The following CRPPA variants were observed in gnomAD, a reference collection of about 807,000 sequenced individuals.
The protein encoded by CRPPA is CDP-L-ribitol pyrophosphorylase A, also known as D-ribitol-5-phosphate cytidylyltransferase.
CRPPA carries 43 observed loss-of-function variants against 52.0 expected under a neutral mutation model. The observed-to-expected ratio is 0.83, with a 90% CI of 0.65 to 1.07. The LOEUF is 1.07. Ranked by LOEUF, CRPPA falls within the 50% of genes least tolerant of loss-of-function variation. CRPPA has a pLI of 0.00. For missense variants in CRPPA, 629 were observed against 551.7 expected (o/e 1.14, Z -1.40); for synonymous variants, 250 against 203.5 (o/e 1.23, Z -1.94).
intron 3 of CRPPA, among the ~76,000 whole-genome samples, chr7:16,367,495 C>G (rs1433657147): frequency 6.6e-6 from 1 of 151,864 alleles, no homozygotes; most frequent in Admixed American, 6.6e-5. Flanking sequence ...GTATTTAAAA[C>G]CCAAACTTGT....
chr7:16,134,909 T>G (rs1326269380), intron 9 of CRPPA, among the ~76,000 whole-genome samples: 1 of 152,210 alleles, frequency 6.6e-6, no homozygotes, highest in Non-Finnish European at 1.5e-5. Flanking sequence ...CTATGTAATT[T>G]TTTTCTGAAA....
intron 9 of CRPPA, among the ~76,000 whole-genome samples, chr7:16,125,679 T>G (rs1418644090): frequency 6.6e-6 from 1 of 152,192 alleles, no homozygotes; most frequent in Admixed American, 6.5e-5. Context: ...AATCAATTAT[T>G]TTTTAATTGT....
chr7:16,307,673 CAAAAAAAAAAAAA>C (rs55682769), intron 4 of CRPPA, among the ~76,000 whole-genome samples: 3 of 44,366 alleles, frequency 6.8e-5, no homozygotes, highest in African/African-American at 8.9e-5. Flanking sequence ...GAAACTCTGT[CAAAAAAAAAAAAA>C]AAAAAAAAAA....
intron 8 of CRPPA, among the ~76,000 whole-genome samples, chr7:16,217,142 C>T (rs553363007): frequency 0.023 from 3,319 of 146,740 alleles, 93 homozygotes; most frequent in African/African-American, 0.075. Flanking sequence ...CCCTGACCCC[C>T]GAGCAGCCTA....
intron 6 of CRPPA, among the ~76,000 whole-genome samples, chr7:16,277,837 A>T (rs1784239577): frequency 6.6e-6 from 1 of 152,122 alleles, no homozygotes; most frequent in African/African-American, 2.4e-5. Context: ...GCTGGCCACT[A>T]TGCCTCTTAA....
Position 16,114,288 on chromosome 7 carries a change from G to GCA in CRPPA, c.1252-22491_1252-22490dup, listed in dbSNP as rs533316206. 2.4e-4 allele frequency among the ~76,000 whole-genome samples: 31 copies of GCA among 130,808 alleles called. No homozygotes were observed. In the South Asian group the frequency reaches 6.6e-3, roughly 28 times the overall value. 85.8% of individuals were successfully genotyped at this position (130,808 alleles called of 152,430 possible). Reference sequence around the variant, plus strand: ...TACTGAACGAGATCAAAGTAGACACGCACACATACACACACACACACACAC... The same window carrying GCA: ...TACTGAACGAGATCAAAGTAGACACGCACACACATACACACACACACACACAC... On this transcript the variant is annotated intron_variant, in intron 9 of 9. Coordinates refer to ENST00000407010, the MANE Select transcript of CRPPA (RefSeq NM_001101426.4).
chr7:16,297,232 T>C (rs762238750), intron 5 of CRPPA, among the ~76,000 whole-genome samples: 1 of 152,182 alleles, frequency 6.6e-6, no homozygotes, highest in Non-Finnish European at 1.5e-5. Flanking sequence ...AATGTATATA[T>C]CTTACAGCGT....
intron 3 of CRPPA, among the ~76,000 whole-genome samples, chr7:16,347,707 G>A (rs1161066044): frequency 2.0e-5 from 3 of 152,052 alleles, no homozygotes; most frequent in African/African-American, 2.4e-5. Context: ...CATCCACACT[G>A]GATGGGCAGA....
intron 5 of CRPPA, among the ~76,000 whole-genome samples, chr7:16,289,162 T>C (rs565901242): frequency 1.3e-4 from 20 of 151,874 alleles, no homozygotes; most frequent in South Asian, 2.1e-4. Context: ...GAGGAGGAAA[T>C]AGAAAAACTT....
intron 9 of CRPPA, among the ~76,000 whole-genome samples, chr7:16,117,680 G>A (rs1369892720): frequency 1.3e-5 from 2 of 152,114 alleles, no homozygotes; most frequent in African/African-American, 4.8e-5. Context: ...TCTAATCCAG[G>A]TTGTACAATC....
rs111290111 is a variant in CRPPA at position 16,369,582 on chromosome 7, G to A, written c.684+6510C>T. Among the ~76,000 whole-genome samples, 748 of 152,224 alleles carry A rather than the reference G, an allele frequency of 4.9e-3. 7 individuals carry two copies. Among genetic ancestry groups the A allele is most frequent in the Non-Finnish European group, 8.1e-3 (554 of 68,026 alleles). ...CTTCACCTGCCCTCACAGAACTGAG[G>A]TTTTAATAGGAAAGATACACACCAA... On this transcript the variant is annotated intron_variant, in intron 3 of 9. Coordinates refer to ENST00000407010, the MANE Select transcript of CRPPA (RefSeq NM_001101426.4).
intron 9 of CRPPA, among the ~76,000 whole-genome samples, chr7:16,184,086 C>T (rs904944153): frequency 5.9e-5 from 9 of 151,840 alleles, no homozygotes; most frequent in South Asian, 2.1e-4. Context: ...GGACTACAGG[C>T]GCACACCACC....
intron 9 of CRPPA, among the ~76,000 whole-genome samples, chr7:16,108,838 T>C (rs1258813268): frequency 1.3e-5 from 2 of 151,740 alleles, no homozygotes; most frequent in African/African-American, 4.8e-5. Flanking sequence ...GCATGAAAAT[T>C]AAACAACATG....
At chr7:16,334,004 T>C (rs567977108) in intron 3 of CRPPA, among the ~76,000 whole-genome samples, 1 of 152,192 alleles carries the variant, frequency 6.6e-6, no homozygotes, top group African/African-American at 2.4e-5. Flanking sequence ...CTCACTCCTG[T>C]CTTGTCTAGA....
intron 8 of CRPPA, among the ~76,000 whole-genome samples, chr7:16,227,333 G>A (rs1416327661): frequency 6.6e-6 from 1 of 151,642 alleles, no homozygotes; most frequent in East Asian, 1.9e-4. Context: ...TAATGGCTGT[G>A]GTAATTCACA....
intron 9 of CRPPA, among the ~76,000 whole-genome samples, chr7:16,140,871 C>A (rs946024908): frequency 6.6e-6 from 1 of 152,134 alleles, no homozygotes; most frequent in Non-Finnish European, 1.5e-5. Flanking sequence ...TTATCGAACT[C>A]TTTTTTGAGC....
Position 16,251,763 on chromosome 7 carries a change from C to T in CRPPA, c.1119+6627G>A, listed in dbSNP as rs775703221. ...GGAAATTTATAGTACTAAATACCCA[C>T]AAGAGAAAGCAGGAAAGATCTAAAA... On this transcript the variant is annotated intron_variant, in intron 8 of 9. Transcript: ENST00000407010. Among the ~76,000 whole-genome samples the T allele has an allele frequency of 4.6e-5, 7 of 152,164 alleles. 1 individual carries two copies. In the South Asian group the frequency reaches 1.2e-3, roughly 27 times the overall value.
At chr7:16,418,059 G>A (rs1485813634) in intron 1 of CRPPA, among the ~76,000 whole-genome samples, 16 of 152,240 alleles carry the variant, frequency 1.1e-4, no homozygotes, top group African/African-American at 3.9e-4. Flanking sequence ...TTTTAATGAA[G>A]TGACTTAAGA....
At chr7:16,303,751 C>T (rs1434950939) in intron 4 of CRPPA, among the ~76,000 whole-genome samples, 1 of 152,088 alleles carries the variant, frequency 6.6e-6, no homozygotes, top group East Asian at 1.9e-4. Flanking sequence ...AACAATGTCA[C>T]CATATTGTGT....
Sources: gnomAD v4.1 joint callset for allele counts (sites outside exome capture counted in the v4.1 genomes callset) on GRCh38, gnomAD v4.1.1 for gene constraint, MANE v1.5 for transcripts, NCBI Gene and HGNC (gene_info 2026-07-23, HGNC 2026-07-21) for gene names.